Variants in PLAAT1 observed in about 807,000 individuals in gnomAD.
The protein encoded by PLAAT1 is phospholipase A and acyltransferase 1.
PLAAT1 carries 13 observed loss-of-function variants against 16.4 expected under a neutral mutation model. The ratio of observed to expected loss-of-function variants is 0.79; its 90% CI spans 0.52 to 1.26. The LOEUF is 1.26. Ranked by LOEUF, PLAAT1 falls within the 50% of genes most tolerant of loss-of-function variation. PLAAT1 has a pLI of 0.00. For missense variants in PLAAT1, 218 were observed against 207.8 expected (o/e 1.05, Z -0.30); for synonymous variants, 73 against 78.4 (o/e 0.93, Z 0.36).
chr3:193,241,196 C>T (rs995504756), upstream of PLAAT1: 15 of 1,221,356 alleles, frequency 1.2e-5, no homozygotes, highest in East Asian at 2.6e-4. Context: ...GCCCCGCCTC[C>T]TGGGCGGAGC....
At position 193,241,377 on chromosome 3, in the gene PLAAT1, T is replaced by G; in HGVS notation, c.-157T>G. ...GTTGGCCCTGGAGGACGGCCCCGAG[T>G]GATGGCTGGCGCCTGCCTCCCGGGT... On this transcript the variant is annotated 5_prime_UTR_variant, in exon 1 of 4. Transcript: ENST00000264735. 1.6e-6 allele frequency: 2 copies of G among 1,231,564 alleles called. No homozygotes were observed. Among genetic ancestry groups the G allele is most frequent in the Non-Finnish European group, 2.0e-6 (2 of 987,936 alleles). 76.3% of individuals were successfully genotyped at this position (1,231,564 alleles called of 1,614,324 possible).
intron 3 of PLAAT1, among the ~76,000 whole-genome samples, chr3:193,265,704 ATATT>A (rs953971993): frequency 1.3e-5 from 2 of 152,196 alleles, no homozygotes; most frequent in Non-Finnish European, 2.9e-5. Flanking sequence ...ATGAAAGGAT[ATATT>A]TATTTTCATT....
At chr3:193,265,611 G>A (rs567220619) in intron 3 of PLAAT1, among the ~76,000 whole-genome samples, 2 of 151,606 alleles carry the variant, frequency 1.3e-5, no homozygotes, top group East Asian at 4.0e-4. Context: ...CATTATTTCA[G>A]TGGGTAAATA....
chr3:193,279,462 A>G (rs755905004), downstream of PLAAT1: 3 of 1,603,024 alleles, frequency 1.9e-6, no homozygotes, highest in Non-Finnish European at 2.6e-6. Flanking sequence ...TATCTGAGGA[A>G]ATACCAAACA....
intron 1 of PLAAT1, among the ~76,000 whole-genome samples, chr3:193,251,787 GAGTCTTTC>G (rs1716200310): frequency 6.6e-6 from 1 of 152,066 alleles, no homozygotes. Flanking sequence ...TAGTGTGTAG[GAGTCTTTC>G]AGCTGGATTC....
Position 193,263,046 on chromosome 3 carries a change from G to A in PLAAT1, c.216G>A (p.Lys72=), listed in dbSNP as rs141503756. Residue 72 remains lysine, a synonymous_variant, in exon 3 of 4, where the codon AAG becomes AAA. Transcript: ENST00000264735. ...SKALVKMQLL[K]DVVGNDTYRI... ...CCCTGGTGAAAATGCAGCTCTTGAAGGATGTTGTGGGAAATGACACATACA... is the reference window on the plus strand; with the variant it reads ...CCCTGGTGAAAATGCAGCTCTTGAAAGATGTTGTGGGAAATGACACATACA... The A allele has an allele frequency of 3.5e-5, 56 of 1,614,020 alleles. No homozygotes were observed. The Admixed American group carries it at 5.3e-4, about 15-fold the overall frequency.
At position 193,270,614 on chromosome 3, in the gene PLAAT1, C is replaced by G. The variant is rs1057094437; in HGVS notation, c.416C>G (p.Ala139Gly). 6.2e-7 allele frequency: 1 copy of G among 1,611,538 alleles called. No individual in the cohort carries two copies. Among genetic ancestry groups the G allele is most frequent in the Non-Finnish European group, 8.5e-7 (1 of 1,178,560 alleles). The change falls in exon 4 of 4, where the codon GCG becomes GGG. Residue 139 changes from alanine to glycine, a missense_variant. By Grantham distance (60) the Ala-to-Gly change is moderately conservative (BLOSUM62 0). Coordinates refer to ENST00000264735, the MANE Select transcript of PLAAT1 (RefSeq NM_020386.5). Reference sequence around the variant, plus strand: ...CTTGTTTCCTTATAGGCCAACCGAGCGATAAGTACCGTTGAGTTTGTGACA... The same window carrying G: ...CTTGTTTCCTTATAGGCCAACCGAGGGATAAGTACCGTTGAGTTTGTGACA... ...GEGVSEQANR[A>G]ISTVEFVTAA...
intron 1 of PLAAT1, among the ~76,000 whole-genome samples, chr3:193,242,488 C>G (rs535273973): frequency 6.6e-6 from 1 of 151,890 alleles, no homozygotes; most frequent in Non-Finnish European, 1.5e-5. Flanking sequence ...GTAGAAGGTT[C>G]AGTATTAACA....
At chr3:193,267,734 A>G (rs891200259) in intron 3 of PLAAT1, among the ~76,000 whole-genome samples, 3 of 152,218 alleles carry the variant, frequency 2.0e-5, no homozygotes, top group Non-Finnish European at 4.4e-5. Flanking sequence ...ACCAAGGAGC[A>G]TGATTGCTAG....
downstream of PLAAT1, among the ~76,000 whole-genome samples, chr3:193,280,353 C>T (rs1248550984): frequency 4.6e-5 from 7 of 152,066 alleles, no homozygotes; most frequent in African/African-American, 1.7e-4. Flanking sequence ...CCCTGGCCTC[C>T]AATTTTTCTT....
intron 1 of PLAAT1, among the ~76,000 whole-genome samples, chr3:193,250,997 G>A (rs921907205): frequency 3.3e-5 from 5 of 152,194 alleles, no homozygotes; most frequent in African/African-American, 1.2e-4. Context: ...TGTTGCTGGA[G>A]CGAGCAGGGG....
rs781583127 is a variant in PLAAT1 at position 193,263,210 on chromosome 3, G to A, written c.380G>A (p.Arg127His). 177 of 1,613,956 alleles carry A rather than the reference G, an allele frequency of 1.1e-4. No individual in the cohort carries two copies. The Admixed American group carries it at 1.6e-3, about 14-fold the overall frequency. Residue 127 changes from arginine to histidine, a missense_variant, in exon 3 of 4, where the codon CGC (arginine) becomes CAC (histidine). Transcript: ENST00000264735. ...NNCEHFVTLLRYGEGVSEQAN... is the reference protein window; with the variant it reads ...NNCEHFVTLLHYGEGVSEQAN... ...TGTGAACATTTTGTGACATTGCTTC[G>A]CTATGGAGAAGGAGTTTCAGAGCAG...
rs941551176 is a variant in PLAAT1, at chr3:193,241,408, C to G, written c.-126C>G. ...CTGGCGCCTGCCTCCCGGGTGTCTC[C>G]CGGGTACAGATGGAGTCGTCCCGCG... On this transcript the variant is annotated 5_prime_UTR_variant, in exon 1 of 4. Transcript: ENST00000264735. The G allele has an allele frequency of 1.7e-5, 21 of 1,231,738 alleles. No individual in the cohort carries two copies. The highest frequency in any genetic ancestry group is 3.1e-5 in the African/African-American group (2 of 64,418). The allele number at this position is 1,231,738 out of a possible 1,614,324, so 76.3% of individuals were successfully genotyped here. A position where few individuals can be genotyped will look rare whatever the true frequency, so the allele number is the denominator to read the frequency against.
intron 2 of PLAAT1, among the ~76,000 whole-genome samples, chr3:193,277,205 T>G (rs1007062035): frequency 9.9e-5 from 15 of 152,164 alleles, no homozygotes; most frequent in African/African-American, 3.6e-4. Flanking sequence ...TATTTCCAAT[T>G]CTCCCAAAGC....
intron 1 of PLAAT1, among the ~76,000 whole-genome samples, 178 bp downstream of exon 1, chr3:193,241,711 A>T (rs998524760): frequency 6.6e-6 from 1 of 152,230 alleles, no homozygotes; most frequent in African/African-American, 2.4e-5. Context: ...TCCCTAGGTT[A>T]CACAGCTATT....
intron 3 of PLAAT1, among the ~76,000 whole-genome samples, chr3:193,264,174 A>G (rs1716692487): frequency 6.6e-6 from 1 of 152,216 alleles, no homozygotes; most frequent in Admixed American, 6.5e-5. Context: ...GTATTTTGAA[A>G]TGGTGGATCA....
At chr3:193,261,835 T>G (rs11720679) in intron 2 of PLAAT1, among the ~76,000 whole-genome samples, 58,087 of 152,030 alleles carry the variant, frequency 0.38, 12,762 homozygotes, top group Non-Finnish European at 0.48. Flanking sequence ...TTTTTGCATG[T>G]GGTTATTAAA....
At chr3:193,265,226 A>G (rs367553784) in intron 3 of PLAAT1, among the ~76,000 whole-genome samples, 3 of 152,354 alleles carry the variant, frequency 2.0e-5, no homozygotes, top group African/African-American at 7.2e-5. Flanking sequence ...AGCATTGTAG[A>G]AATAACTCAA....
chr3:193,249,633 C>G (rs1002652666), intron 1 of PLAAT1, among the ~76,000 whole-genome samples: 1 of 152,058 alleles, frequency 6.6e-6, no homozygotes, highest in Non-Finnish European at 1.5e-5. Context: ...CAATAATTCA[C>G]ATATTCTGTT....
Sources: gnomAD v4.1 joint callset for allele counts (sites outside exome capture counted in the v4.1 genomes callset) on GRCh38, gnomAD v4.1.1 for gene constraint, MANE v1.5 for transcripts, NCBI Gene and HGNC (gene_info 2026-07-23, HGNC 2026-07-21) for gene names.